MLLT10: variants seen among roughly 807,000 people sequenced by gnomAD.
The protein encoded by MLLT10 is MLLT10 histone lysine methyltransferase DOT1L cofactor.
MLLT10 carries 30 observed loss-of-function variants against 129.1 expected under a neutral mutation model. The observed-to-expected ratio is 0.23, with a 90% CI of 0.17 to 0.32. The LOEUF (loss-of-function observed/expected upper bound fraction) is 0.32. MLLT10 is among the 10% of genes least tolerant of loss of function. The pLI, the probability that MLLT10 is intolerant of heterozygous loss-of-function variation, is 1.00. For missense variants in MLLT10, 1,119 were observed against 1,268.3 expected (o/e 0.88, Z 1.79); for synonymous variants, 490 against 446.4 (o/e 1.10, Z -1.23).
At chr10:21,683,008 C>G (rs764763868) in intron 13 of MLLT10, among the ~76,000 whole-genome samples, 2 of 152,228 alleles carry the variant, frequency 1.3e-5, no homozygotes, top group African/African-American at 4.8e-5. Context: ...TTGTTCAAGA[C>G]TGCTTGATTC....
chr10:21,692,001 CAAAAAAAAAAAA>C (rs929971187), intron 13 of MLLT10, among the ~76,000 whole-genome samples: 1 of 50,174 alleles, frequency 2.0e-5, no homozygotes, highest in African/African-American at 8.6e-5. Context: ...CTCATATCTA[CAAAAAAAAAAAA>C]AAAAAAAAAA....
At chr10:21,624,813 C>G in intron 8 of MLLT10, 1 of 1,068,602 alleles carries the variant, frequency 9.4e-7, no homozygotes, top group Non-Finnish European at 1.4e-6. Context: ...CTGAGATCCA[C>G]GGGAACCACG....
rs373683508 is a variant in MLLT10, at chr10:21,614,811, T to C, written c.510-20T>C. On this transcript the variant is annotated intron_variant, in intron 6 of 22. Transcript: ENST00000307729. ...TGTGATTTTAGTATATCAATAAATATACTTGGCTTTTATTTTCAGCGCTCA... is the reference window on the plus strand; with the variant it reads ...TGTGATTTTAGTATATCAATAAATACACTTGGCTTTTATTTTCAGCGCTCA... 8 of 1,599,548 alleles carry C rather than the reference T, an allele frequency of 5.0e-6. No individual in the cohort carries two copies. The highest frequency in any genetic ancestry group is 6.0e-6 in the Non-Finnish European group (7 of 1,172,172).
At chr10:21,603,219 ATTTTTT>A (rs75168518) in intron 5 of MLLT10, among the ~76,000 whole-genome samples, 1 of 128,662 alleles carries the variant, frequency 7.8e-6, no homozygotes, top group African/African-American at 2.9e-5. Flanking sequence ...TGCTCGGCTA[ATTTTTT>A]TTTTTTTTTT....
At chr10:21,606,326 C>T (rs2044063709) in intron 5 of MLLT10, among the ~76,000 whole-genome samples, 2 of 152,198 alleles carry the variant, frequency 1.3e-5, no homozygotes, top group Non-Finnish European at 2.9e-5. Flanking sequence ...TACCTGCTAA[C>T]AACATCCATC....
At chr10:21,595,187 G>T (rs1362862254) in intron 4 of MLLT10, 144 bp from the exon 5 acceptor site, 1 of 553,392 alleles carries the variant, frequency 1.8e-6, no homozygotes, top group Non-Finnish European at 3.1e-6. Flanking sequence ...TCAAGCAATG[G>T]AAGTAAGACA....
chr10:21,718,769 T>C (rs537562458), intron 14 of MLLT10, among the ~76,000 whole-genome samples: 30 of 152,370 alleles, frequency 2.0e-4, no homozygotes, highest in African/African-American at 7.2e-4. Context: ...TTGCCGAGGC[T>C]AGAGTGCAAT....
chr10:21,682,167 T>G, intron 12 of MLLT10, 58 bp from the exon 13 acceptor site: 1 of 1,448,192 alleles, frequency 6.9e-7, no homozygotes, highest in Non-Finnish European at 9.6e-7. Context: ...GGCTATGTAT[T>G]TCTTTTGTGT....
chr10:21,551,107 A>C (rs2036932563), intron 3 of MLLT10, among the ~76,000 whole-genome samples: 1 of 150,970 alleles, frequency 6.6e-6, no homozygotes, highest in Non-Finnish European at 1.5e-5. Flanking sequence ...TTGTGTTTTT[A>C]GTAGAGACGG....
At position 21,554,303 on chromosome 10, in the gene MLLT10, TTC is replaced by T. The variant is rs1286523412; in HGVS notation, c.240+15395_240+15396del. Among the ~76,000 whole-genome samples, 3 of 152,214 alleles carry T rather than the reference TTC, an allele frequency of 2.0e-5. No individual in the cohort carries two copies. In the East Asian group the frequency reaches 5.8e-4, roughly 29 times the overall value. On this transcript the variant is annotated intron_variant, in intron 3 of 22. Coordinates refer to ENST00000307729, the MANE Select transcript of MLLT10 (RefSeq NM_001195626.3). ...CTATTTTCTGAGGTGATTCCTCACT[TTC>T]TCTTCCAACTCTTCACTTAAAAATT...
In MLLT10 at chr10:21,535,371, G is replaced by C. The variant is rs569363814; in HGVS notation, c.160+567G>C. Among the ~76,000 whole-genome samples, 9 of 152,184 alleles carry C rather than the reference G, an allele frequency of 5.9e-5. 1 individual carries two copies. The highest frequency in any genetic ancestry group is 2.2e-4 in the African/African-American group (9 of 41,536). On this transcript the variant is annotated intron_variant, in intron 2 of 22. Coordinates refer to ENST00000307729, the MANE Select transcript of MLLT10 (RefSeq NM_001195626.3). ...GGCCCGTTGCACCCCGAGCCAGAAG[G>C]CTCGGGCCCTGCCGCCGCCGCCCGG... is the stretch of plus-strand genomic sequence containing the variant.
chr10:21,725,080 A>G (rs1306964678), intron 14 of MLLT10, among the ~76,000 whole-genome samples: 2 of 152,238 alleles, frequency 1.3e-5, no homozygotes, highest in African/African-American at 2.4e-5. Flanking sequence ...CAAAACAGAA[A>G]AAGCAGCAGG....
intron 14 of MLLT10, among the ~76,000 whole-genome samples, chr10:21,723,667 A>G (rs1464890795): frequency 6.6e-6 from 1 of 151,966 alleles, no homozygotes; most frequent in Non-Finnish European, 1.5e-5. Context: ...TGTTGGTCCT[A>G]TTTTTCTCTG....
At chr10:21,706,713 T>G (rs1015720805) in intron 13 of MLLT10, among the ~76,000 whole-genome samples, 7 of 152,236 alleles carry the variant, frequency 4.6e-5, no homozygotes, top group African/African-American at 1.4e-4. Context: ...ATTTCTGTCA[T>G]TAGACAGGTA....
chr10:21,551,922 G>T, intron 3 of MLLT10: 1 of 304,186 alleles, frequency 3.3e-6, no homozygotes, highest in Non-Finnish European at 6.4e-6. Flanking sequence ...AGCCTCCCAA[G>T]TAGGTGGGAT....
chr10:21,729,736 G>A (rs1203428731), intron 16 of MLLT10, among the ~76,000 whole-genome samples: 1 of 152,116 alleles, frequency 6.6e-6, no homozygotes, highest in Admixed American at 6.5e-5. Context: ...TTCTCACTAG[G>A]TTGTTGTGGA....
At chr10:21,562,800 A>T (rs966738703) in intron 3 of MLLT10, among the ~76,000 whole-genome samples, 1 of 136,492 alleles carries the variant, frequency 7.3e-6, no homozygotes, top group Admixed American at 7.3e-5. Flanking sequence ...GCTGACTTAC[A>T]TATACTTTGT....
intron 9 of MLLT10, among the ~76,000 whole-genome samples, chr10:21,659,673 G>A (rs1831281546): frequency 6.6e-6 from 1 of 151,918 alleles, no homozygotes; most frequent in African/African-American, 2.4e-5. Context: ...ACCACGCCTG[G>A]CTGATTCTTG....
chr10:21,707,621 G>C (rs918873979), intron 13 of MLLT10, among the ~76,000 whole-genome samples: 4 of 152,134 alleles, frequency 2.6e-5, no homozygotes, highest in African/African-American at 4.8e-5. Context: ...AAAAATCTTT[G>C]TTTCCACTCA....
Sources: gnomAD v4.1 joint callset for allele counts (sites outside exome capture counted in the v4.1 genomes callset) on GRCh38, gnomAD v4.1.1 for gene constraint, MANE v1.5 for transcripts, NCBI Gene and HGNC (gene_info 2026-07-23, HGNC 2026-07-21) for gene names.